TENM4: variants seen among roughly 807,000 people sequenced by gnomAD.
The protein encoded by TENM4 is teneurin-4.
TENM4 carries 82 observed loss-of-function variants against 243.3 expected under a neutral mutation model. The ratio of observed to expected loss-of-function variants is 0.34; its 90% confidence interval spans 0.28 to 0.40. The LOEUF (loss-of-function observed/expected upper bound fraction) is 0.40. Among genes scored for constraint, TENM4 ranks in the 10% least tolerant of loss-of-function variants. The pLI, the probability that TENM4 is intolerant of heterozygous loss-of-function variation, is 1.00. For missense variants in TENM4, 3,138 were observed against 3,673.3 expected (o/e 0.85, Z 3.77); for synonymous variants, 1,412 against 1,456.3 (o/e 0.97, Z 0.69).
chr11:79,040,507 C>T (rs1357362317), intron 6 of TENM4, among the ~76,000 whole-genome samples: 1 of 152,216 alleles, frequency 6.6e-6, no homozygotes, highest in African/African-American at 2.4e-5. Flanking sequence ...CTGGTGTTTG[C>T]TGCACTTACT....
intron 6 of TENM4, among the ~76,000 whole-genome samples, chr11:78,929,041 C>G (rs1856613675): frequency 6.6e-6 from 1 of 152,194 alleles, no homozygotes. Context: ...CCCATCTGTG[C>G]TCTGGCAGGT....
intron 6 of TENM4, among the ~76,000 whole-genome samples, chr11:79,058,640 A>G (rs967171128): frequency 6.6e-6 from 1 of 152,144 alleles, no homozygotes. Context: ...TGCACCCTTC[A>G]ATGAGATAAC....
chr11:79,165,646 G>T (rs2135101961), intron 3 of TENM4, among the ~76,000 whole-genome samples: 1 of 152,176 alleles, frequency 6.6e-6, no homozygotes, highest in Middle Eastern at 3.4e-3. Context: ...GGTATCATTA[G>T]GTCCCATCTA....
chr11:78,973,497 A>G (rs1857586938), intron 6 of TENM4, among the ~76,000 whole-genome samples: 1 of 152,078 alleles, frequency 6.6e-6, no homozygotes, highest in Non-Finnish European at 1.5e-5. Flanking sequence ...GTCTATTCAG[A>G]TCCATTGCCC....
At chr11:79,316,439 T>C (rs942072379) in intron 1 of TENM4, among the ~76,000 whole-genome samples, 1 of 152,176 alleles carries the variant, frequency 6.6e-6, no homozygotes, top group Non-Finnish European at 1.5e-5. Context: ...GCTTGGCGAA[T>C]GTAGGTATGG....
At chr11:79,041,175 T>C (rs1236528008) in intron 6 of TENM4, among the ~76,000 whole-genome samples, 1 of 152,036 alleles carries the variant, frequency 6.6e-6, no homozygotes, top group Non-Finnish European at 1.5e-5. Context: ...GTGATTCTCC[T>C]GCCTTAGCCT....
At chr11:79,210,744 A>G (rs1294910503) in intron 3 of TENM4, among the ~76,000 whole-genome samples, 2 of 152,076 alleles carry the variant, frequency 1.3e-5, no homozygotes, top group African/African-American at 4.8e-5. Flanking sequence ...GTGAGTGCTC[A>G]TTTTGCTGCT....
intron 6 of TENM4, among the ~76,000 whole-genome samples, chr11:78,920,072 G>C (rs1856415503): frequency 6.6e-6 from 1 of 152,116 alleles, no homozygotes; most frequent in Non-Finnish European, 1.5e-5. Context: ...CTTGCACTGA[G>C]TCCAGTGCTT....
Position 78,657,560 on chromosome 11 carries a change from G to T in TENM4, c.*498C>A. On this transcript the variant is annotated 3_prime_UTR_variant, in exon 34 of 34. Coordinates refer to ENST00000278550, the MANE Select transcript of TENM4 (RefSeq NM_001098816.3). The stretch of plus-strand genomic sequence containing the variant: ...CAGGAGCCCTGCCAAGGAGCCTCAG[G>T]TCCTACAGACCCTCCTCCCAGGCCC... The T allele has an allele frequency of 3.9e-6, 1 of 259,214 alleles. No individual in the cohort carries two copies. The allele number at this position is 259,214 out of a possible 1,614,324, so 16.1% of individuals were successfully genotyped here. A position where few individuals can be genotyped will look rare whatever the true frequency, so the allele number is the denominator to read the frequency against.
chr11:78,775,625 C>T (rs181976433), intron 17 of TENM4, among the ~76,000 whole-genome samples: 1 of 152,306 alleles, frequency 6.6e-6, no homozygotes, highest in African/African-American at 2.4e-5. Context: ...GAAGGCTCTT[C>T]CAGGATGACT....
At chr11:78,990,132 T>G (rs547737994) in intron 6 of TENM4, among the ~76,000 whole-genome samples, 3 of 152,080 alleles carry the variant, frequency 2.0e-5, no homozygotes, top group African/African-American at 4.8e-5. Context: ...CTTTAGAACT[T>G]ATTTTAAGTT....
chr11:79,141,391 A>T (rs759786130), intron 4 of TENM4, among the ~76,000 whole-genome samples: 60 of 147,192 alleles, frequency 4.1e-4, no homozygotes, highest in Non-Finnish European at 7.8e-4. Flanking sequence ...GAAAACCTAG[A>T]AGAAGTGGAT....
intron 20 of TENM4, among the ~76,000 whole-genome samples, chr11:78,737,894 G>A (rs1043398390): frequency 2.0e-5 from 3 of 152,164 alleles, no homozygotes; most frequent in East Asian, 1.9e-4. Flanking sequence ...AAACCAATCT[G>A]TGAGATAAAC....
At chr11:79,143,704 AAAAT>A (rs1157409348) in intron 4 of TENM4, among the ~76,000 whole-genome samples, 1 of 151,534 alleles carries the variant, frequency 6.6e-6, no homozygotes, top group South Asian at 2.1e-4. Context: ...ATAAAAAATA[AAAAT>A]AAATAAATAA....
chr11:79,195,417 G>A lies in TENM4; in HGVS notation c.-163+20391C>T, dbSNP rs61295042. Among the ~76,000 whole-genome samples the A allele has an allele frequency of 4.8e-3, 730 of 152,228 alleles. 4 individuals carry two copies. Among genetic ancestry groups the A allele is most frequent in the African/African-American group, 0.016 (673 of 41,540 alleles). ...AGCCGCAGAAATTCAACAACAGCCC[G>A]TGAAAGCAGCCAGGAGGAAGGCTGT... On this transcript the variant is annotated intron_variant, in intron 3 of 33. Coordinates refer to ENST00000278550, the MANE Select transcript of TENM4 (RefSeq NM_001098816.3).
At chr11:79,323,122 A>G (rs1302446271) in intron 1 of TENM4, among the ~76,000 whole-genome samples, 1 of 152,370 alleles carries the variant, frequency 6.6e-6, no homozygotes, top group Middle Eastern at 3.4e-3. Flanking sequence ...CACAAAGCAC[A>G]GTTCCACACA....
At chr11:78,913,018 G>A (rs1488373104) in intron 6 of TENM4, among the ~76,000 whole-genome samples, 1 of 152,198 alleles carries the variant, frequency 6.6e-6, no homozygotes, top group African/African-American at 2.4e-5. Flanking sequence ...AGAAAAGGAG[G>A]TGGTGGGAGT....
chr11:79,345,500 G>A (rs891784881), intron 1 of TENM4, among the ~76,000 whole-genome samples: 5 of 152,128 alleles, frequency 3.3e-5, no homozygotes, highest in Non-Finnish European at 5.9e-5. Context: ...TATAACAAGC[G>A]AAATAATGGC....
intron 18 of TENM4, among the ~76,000 whole-genome samples, chr11:78,770,101 T>G (rs1856617092): frequency 6.6e-6 from 1 of 152,226 alleles, no homozygotes. Context: ...AAGAAAGGGT[T>G]AACTGTTTTG....
Sources: allele counts gnomAD v4.1 joint callset (sites outside exome capture counted in the v4.1 genomes callset), GRCh38; gene constraint gnomAD v4.1.1; transcripts MANE v1.5; gene names NCBI Gene and HGNC (gene_info 2026-07-23, HGNC 2026-07-21).